EHMT1: variants seen among roughly 807,000 people sequenced by gnomAD.
The protein encoded by EHMT1 is euchromatic histone lysine methyltransferase 1, also known as histone-lysine N-methyltransferase EHMT1.
In EHMT1, 15 loss-of-function variants were observed where a neutral mutation model predicts 147.2. The observed-to-expected ratio is 0.10, with a 90% CI of 0.07 to 0.16. The LOEUF (loss-of-function observed/expected upper bound fraction) is 0.16. Ranked by LOEUF, EHMT1 falls within the 10% of genes least tolerant of loss-of-function variation. The pLI, the probability that EHMT1 is intolerant of heterozygous loss-of-function variation, is 1.00. For missense variants in EHMT1, 1,587 were observed against 1,772.4 expected, an observed-to-expected ratio of 0.90 and a Z score of 1.88; for synonymous variants, 795 against 709.6, an observed-to-expected ratio of 1.12 and a Z score of -1.91.
intron 1 of EHMT1, among the ~76,000 whole-genome samples, chr9:137,679,154 T>C (rs1218007901): frequency 6.6e-6 from 1 of 152,178 alleles, no homozygotes; most frequent in Non-Finnish European, 1.5e-5. Flanking sequence ...TTTCACCATG[T>C]TGGCCAGGCT....
chr9:137,706,351 T>G (rs1944274056), intron 1 of EHMT1, among the ~76,000 whole-genome samples: 1 of 152,228 alleles, frequency 6.6e-6, no homozygotes, highest in South Asian at 2.1e-4. Flanking sequence ...AGGTCTTGAT[T>G]TAGGATACAT....
At chr9:137,722,710 G>A (rs1013402079) in intron 3 of EHMT1, among the ~76,000 whole-genome samples, 1 of 151,944 alleles carries the variant, frequency 6.6e-6, no homozygotes, top group Non-Finnish European at 1.5e-5. Context: ...CTCTGTGTGG[G>A]CCCCACAGAG....
intron 1 of EHMT1, among the ~76,000 whole-genome samples, chr9:137,672,646 A>G (rs1940810221): frequency 6.6e-6 from 1 of 152,280 alleles, no homozygotes; most frequent in African/African-American, 2.4e-5. Flanking sequence ...GAACTAACCA[A>G]CCAACCAACC....
At chr9:137,758,983 C>T (rs541059206) in intron 9 of EHMT1, among the ~76,000 whole-genome samples, 5 of 151,996 alleles carry the variant, frequency 3.3e-5, no homozygotes, top group East Asian at 3.9e-4. Flanking sequence ...AAAAATTAGC[C>T]GGGCGTAGTG....
intron 1 of EHMT1, among the ~76,000 whole-genome samples, chr9:137,656,671 C>T (rs1366369071): frequency 6.6e-6 from 1 of 152,004 alleles, no homozygotes; most frequent in Non-Finnish European, 1.5e-5. Context: ...GGCATGAGTC[C>T]AAGGGCCGTG....
intron 1 of EHMT1, among the ~76,000 whole-genome samples, chr9:137,643,359 T>C (rs567410823): frequency 6.8e-6 from 1 of 146,006 alleles, no homozygotes; most frequent in Admixed American, 6.8e-5. Flanking sequence ...TTTTTTTTTT[T>C]AGACAGAGTC....
intron 1 of EHMT1, among the ~76,000 whole-genome samples, chr9:137,650,615 G>A (rs542613560): frequency 6.8e-6 from 1 of 146,488 alleles, no homozygotes; most frequent in Admixed American, 6.8e-5. Context: ...AGTTACAGAT[G>A]TTCTTTATAT....
intron 1 of EHMT1, among the ~76,000 whole-genome samples, chr9:137,627,255 G>C (rs946812752): frequency 1.4e-5 from 2 of 147,976 alleles, no homozygotes; most frequent in East Asian, 4.0e-4. Flanking sequence ...ACCATGCCTG[G>C]CCATTTTTTT....
At chr9:137,774,184 G>A (rs1466218604) in intron 10 of EHMT1, among the ~76,000 whole-genome samples, 1 of 152,218 alleles carries the variant, frequency 6.6e-6, no homozygotes, top group Admixed American at 6.5e-5. Context: ...GTCCTGCCAG[G>A]TATACGTTCA....
intron 10 of EHMT1, among the ~76,000 whole-genome samples, chr9:137,771,887 C>A (rs986688878): frequency 6.6e-6 from 1 of 152,098 alleles, no homozygotes; most frequent in Admixed American, 6.5e-5. Flanking sequence ...CGCTCAGGAG[C>A]GGGGCCCACA....
intron 3 of EHMT1, among the ~76,000 whole-genome samples, chr9:137,718,324 GCT>G (rs1302245727): frequency 2.0e-5 from 3 of 152,256 alleles, no homozygotes; most frequent in African/African-American, 7.2e-5. Flanking sequence ...CTTTTAGTGT[GCT>G]CTCTCAGTTT....
At chr9:137,795,143 A>G (rs771991787) in intron 16 of EHMT1, 1 of 152,204 alleles carries the variant, frequency 6.6e-6, no homozygotes, top group South Asian at 2.1e-4. Flanking sequence ...ATTGATCTAA[A>G]CAAGAGTGAA....
intron 22 of EHMT1, 93 bp from the exon 23 acceptor site, chr9:137,815,854 G>T: frequency 9.2e-7 from 1 of 1,086,482 alleles, no homozygotes; most frequent in Non-Finnish European, 1.4e-6. Flanking sequence ...GTCCGTTTAA[G>T]CCACACTGGG....
intron 1 of EHMT1, among the ~76,000 whole-genome samples, chr9:137,626,197 TTTCTA>T (rs1843245219): frequency 6.6e-6 from 1 of 151,956 alleles, no homozygotes. Flanking sequence ...TCTTTACTGT[TTTCTA>T]TTCTTTTTAG....
In EHMT1 at chr9:137,766,512, G is replaced by T. The variant is rs1047885414; in HGVS notation, c.1647+3692G>T. On this transcript the variant is annotated intron_variant, in intron 10 of 26. Coordinates refer to ENST00000460843, the MANE Select transcript of EHMT1 (RefSeq NM_024757.5). ...TGCCTGTAGTCCCAGCTACTTGGGA[G>T]GCTGAGGCAGGAGAATTGCTTGAGC... Among the ~76,000 whole-genome samples the T allele has an allele frequency of 4.6e-5, 7 of 152,338 alleles. No individual in the cohort carries two copies. The East Asian group carries it at 1.4e-3, about 29-fold the overall frequency.
At chr9:137,799,607 G>A (rs935516041) in intron 17 of EHMT1, among the ~76,000 whole-genome samples, 5 of 152,186 alleles carry the variant, frequency 3.3e-5, no homozygotes, top group Non-Finnish European at 4.4e-5. Flanking sequence ...TGCACTGGGG[G>A]TCCCTCCTGC....
intron 13 of EHMT1, 23 bp downstream of exon 13, chr9:137,778,078 A>C: frequency 6.2e-7 from 1 of 1,613,694 alleles, no homozygotes; most frequent in Non-Finnish European, 8.5e-7. Flanking sequence ...ATGTGATTTC[A>C]GAGATGTCTC....
At chr9:137,727,985 C>T (rs1946777625) in intron 3 of EHMT1, among the ~76,000 whole-genome samples, 1 of 152,196 alleles carries the variant, frequency 6.6e-6, no homozygotes, top group South Asian at 2.1e-4. Context: ...TTATCTAAGT[C>T]AGGGGTTGGA....
intron 5 of EHMT1, 108 bp downstream of exon 5, chr9:137,743,636 A>G: frequency 1.3e-6 from 2 of 1,510,754 alleles, no homozygotes; most frequent in Non-Finnish European, 1.8e-6. Context: ...GGAAGGTGCC[A>G]GTGCCATGAA....
Sources: allele counts gnomAD v4.1 joint callset (sites outside exome capture counted in the v4.1 genomes callset), GRCh38; gene constraint gnomAD v4.1.1; transcripts MANE v1.5; gene names NCBI Gene and HGNC (gene_info 2026-07-23, HGNC 2026-07-21).